Variants in SVBP observed in about 807,000 individuals in gnomAD.
The protein encoded by SVBP is small vasohibin-binding protein.
Under a neutral mutation model 9.2 loss-of-function variants are expected in SVBP, and 9 were observed. The ratio of observed to expected loss-of-function variants is 0.98; its 90% CI spans 0.59 to 1.71. The LOEUF (loss-of-function observed/expected upper bound fraction) is 1.71, where lower values mean the gene tolerates loss of function less well. Among genes scored for constraint, SVBP ranks in the 40% most tolerant of loss-of-function variants. The pLI is 0.00. For missense variants in SVBP, 63 were observed against 73.2 expected (o/e 0.86, Z 0.51); for synonymous variants, 27 against 23.9 (o/e 1.13, Z -0.37).
At chr1:42,808,235 T>G in intron 2 of SVBP, among the ~76,000 whole-genome samples, 1 of 143,066 alleles carries the variant, frequency 7.0e-6, no homozygotes, top group African/African-American at 2.6e-5. Flanking sequence ...TGCATATATG[T>G]TATAATATAT....
intron 1 of SVBP, 85 bp from the exon 2 acceptor site, chr1:42,816,665 C>T (rs1183240896): frequency 1.0e-5 from 7 of 682,156 alleles, no homozygotes; most frequent in Non-Finnish European, 1.7e-5. Context: ...CCTTTAGCTC[C>T]GCCCCATCCT....
chr1:42,809,105 T>C (rs1046365459), intron 2 of SVBP: 3 of 152,246 alleles, frequency 2.0e-5, no homozygotes, highest in African/African-American at 7.2e-5. Flanking sequence ...GGAAAGAAGA[T>C]GGCAAGAGAC....
At chr1:42,813,260 G>A (rs1654117443) in intron 2 of SVBP, 1 of 225,242 alleles carries the variant, frequency 4.4e-6, no homozygotes, top group South Asian at 6.1e-5. Context: ...GAAATCTTTA[G>A]AAAACTGGAA....
At chr1:42,811,378 T>G (rs1385980806) in intron 2 of SVBP, among the ~76,000 whole-genome samples, 1 of 152,236 alleles carries the variant, frequency 6.6e-6, no homozygotes, top group Non-Finnish European at 1.5e-5. Context: ...CAATAACTCC[T>G]GCTTTGGAGC....
chr1:42,807,276 A>C lies in SVBP; in HGVS notation c.*138T>G, dbSNP rs1232881765. The C allele has an allele frequency of 3.7e-6, 2 of 535,092 alleles. No individual in the cohort carries two copies. The highest frequency in any genetic ancestry group is 6.7e-6 in the Non-Finnish European group (2 of 297,712). The allele number at this position is 535,092 out of a possible 1,614,324, so 33.1% of individuals were successfully genotyped here. A position where few individuals can be genotyped will look rare whatever the true frequency, so the allele number is the denominator to read the frequency against. On this transcript the variant is annotated 3_prime_UTR_variant, in exon 3 of 3. Transcript: ENST00000372521. The stretch of plus-strand genomic sequence containing the variant: ...AGGAACCAGTGAAGTTAGAAGTTAC[A>C]CACAGGAAGTGAGTTCAGATTTATC...
chr1:42,817,268 C>T lies in SVBP; in HGVS notation c.-115G>A. The T allele has an allele frequency of 1.6e-6, 2 of 1,241,176 alleles. No individual in the cohort carries two copies. The highest frequency in any genetic ancestry group is 2.1e-6 in the Non-Finnish European group (2 of 964,232). The allele number at this position is 1,241,176 out of a possible 1,614,324, so 76.9% of individuals were successfully genotyped here. A position where few individuals can be genotyped will look rare whatever the true frequency, so the allele number is the denominator to read the frequency against. ...CCTCCGGGAGGGTAATCCTCGCCTT[C>T]CCCCGACCACTGGACCCAGCGCTGC... On this transcript the variant is annotated 5_prime_UTR_variant, in exon 1 of 3. Transcript: ENST00000372521.
chr1:42,807,967 C>T (rs1653995335), intron 2 of SVBP, among the ~76,000 whole-genome samples: 1 of 151,578 alleles, frequency 6.6e-6, no homozygotes, highest in African/African-American at 2.4e-5. Context: ...GTTCTGGAAA[C>T]TTCAAGCATG....
intron 2 of SVBP, among the ~76,000 whole-genome samples, chr1:42,812,758 T>C (rs956416767): frequency 6.6e-6 from 1 of 152,180 alleles, no homozygotes; most frequent in Admixed American, 6.5e-5. Context: ...TTTGCAAAAG[T>C]AGTTGCAAGA....
intron 2 of SVBP, chr1:42,813,548 G>T: frequency 1.9e-6 from 1 of 533,290 alleles, no homozygotes; most frequent in South Asian, 1.4e-5. Flanking sequence ...TTTTCATTCT[G>T]AACAGAGATA....
chr1:42,810,442 G>A (rs546381093), intron 2 of SVBP, among the ~76,000 whole-genome samples: 6 of 152,056 alleles, frequency 3.9e-5, no homozygotes, highest in African/African-American at 7.2e-5. Flanking sequence ...CACTGTGCCC[G>A]GGCCCACATA....
chr1:42,815,457 T>C (rs1410183798), intron 2 of SVBP, among the ~76,000 whole-genome samples: 1 of 150,250 alleles, frequency 6.7e-6, no homozygotes, highest in Non-Finnish European at 1.5e-5. Context: ...TACCCAGTAA[T>C]TTTTCTAGTT....
chr1:42,813,840 C>A (rs1654132728), intron 2 of SVBP: 49 of 364,414 alleles, frequency 1.3e-4, no homozygotes, highest in South Asian at 1.1e-3. Context: ...GCAGTCATAT[C>A]ATCTGAGGAC....
intron 2 of SVBP, among the ~76,000 whole-genome samples, chr1:42,814,354 G>A (rs369505356): frequency 2.0e-5 from 3 of 151,838 alleles, no homozygotes; most frequent in Admixed American, 6.5e-5. Context: ...GGGATTACAG[G>A]TGTGAGCCAC....
chr1:42,813,960 T>C (rs904341378), intron 2 of SVBP: 1 of 190,300 alleles, frequency 5.3e-6, no homozygotes, highest in Non-Finnish European at 1.1e-5. Flanking sequence ...ACTAGTAAGT[T>C]TACTTATTAT....
At chr1:42,810,875 C>A (rs1221843986) in intron 2 of SVBP, among the ~76,000 whole-genome samples, 1 of 152,136 alleles carries the variant, frequency 6.6e-6, no homozygotes, top group African/African-American at 2.4e-5. Flanking sequence ...CGCGGCGGCT[C>A]ACATATGTAA....
chr1:42,811,091 A>G (rs898875975), intron 2 of SVBP, among the ~76,000 whole-genome samples: 3 of 152,148 alleles, frequency 2.0e-5, no homozygotes, highest in African/African-American at 7.2e-5. Flanking sequence ...CTGAGTCGAG[A>G]TCGTGCCACT....
chr1:42,808,187 T>G (rs906747103), intron 2 of SVBP, among the ~76,000 whole-genome samples: 1 of 124,616 alleles, frequency 8.0e-6, no homozygotes, highest in Non-Finnish European at 1.7e-5. Flanking sequence ...ATACATACTA[T>G]GTATAGTATA....
chr1:42,816,189 C>A, intron 2 of SVBP: 1 of 456,908 alleles, frequency 2.2e-6, no homozygotes, highest in East Asian at 3.8e-5. Flanking sequence ...TCTTCCTTCC[C>A]TTGGGTCTCT....
chr1:42,807,770 T>C lies in SVBP; in HGVS notation c.115-270A>G, dbSNP rs143661398. 4.6e-3 allele frequency among the ~76,000 whole-genome samples: 700 copies of C among 152,190 alleles called. 2 individuals carry two copies. The highest frequency in any genetic ancestry group is 6.8e-3 in the Middle Eastern group (2 of 294). ...GTCTCTTCAGCAAGCATGTGGCCAA[T>C]TGAGATTGAGGAACCAGTGAAGTAG... On this transcript the variant is annotated intron_variant, in intron 2 of 2. Transcript: ENST00000372521.
Sources: allele counts gnomAD v4.1 joint callset (sites outside exome capture counted in the v4.1 genomes callset), GRCh38; gene constraint gnomAD v4.1.1; transcripts MANE v1.5; gene names NCBI Gene and HGNC (gene_info 2026-07-23, HGNC 2026-07-21).